Variants in TAFA4 observed in about 807,000 individuals in gnomAD.
The protein encoded by TAFA4 is TAFA chemokine like family member 4, also known as chemokine-like protein TAFA-4.
A neutral mutation model predicts 21.1 loss-of-function variants in TAFA4; 20 were observed. The ratio of observed to expected loss-of-function variants is 0.95; its 90% CI spans 0.67 to 1.38. The LOEUF is 1.38. TAFA4 is among the 40% of genes most tolerant of loss of function. TAFA4 has a pLI of 0.00. For synonymous variants in TAFA4, 71 were observed against 67.4 expected, an observed-to-expected ratio of 1.05 and a Z score of -0.26; for missense variants, 211 against 180.9, an observed-to-expected ratio of 1.17 and a Z score of -0.95.
chr3:68,854,252 C>T (rs1049568683), intron 3 of TAFA4, among the ~76,000 whole-genome samples: 1 of 151,920 alleles, frequency 6.6e-6, no homozygotes, highest in Non-Finnish European at 1.5e-5. Flanking sequence ...TGTTCTCTGA[C>T]AGCAGGAAGG....
At chr3:68,820,510 A>G (rs1434584872) in intron 3 of TAFA4, among the ~76,000 whole-genome samples, 1 of 151,898 alleles carries the variant, frequency 6.6e-6, no homozygotes, top group African/African-American at 2.4e-5. Flanking sequence ...ACCTCATCCT[A>G]CCAAAAAAAA....
intron 1 of TAFA4, among the ~76,000 whole-genome samples, chr3:68,917,753 C>CAAAAAAAAAAAA (rs55853026): frequency 4.3e-4 from 25 of 58,168 alleles, no homozygotes; most frequent in African/African-American, 7.7e-4. Flanking sequence ...GACTCTGTCT[C>CAAAAAAAAAAAA]AAAAAAAAAA....
chr3:68,881,340 T>G (rs1184373572), intron 2 of TAFA4, among the ~76,000 whole-genome samples: 2 of 152,188 alleles, frequency 1.3e-5, no homozygotes, highest in African/African-American at 4.8e-5. Context: ...CAATCTCAAC[T>G]CCTCCTTTGG....
chr3:68,831,617 T>G (rs1012955447), intron 3 of TAFA4, among the ~76,000 whole-genome samples: 3 of 152,142 alleles, frequency 2.0e-5, no homozygotes, highest in African/African-American at 7.2e-5. Context: ...CCCTTAACAT[T>G]TTTTCCTTCA....
intron 5 of TAFA4, among the ~76,000 whole-genome samples, chr3:68,736,611 T>C (rs1020369718): frequency 1.5e-4 from 23 of 152,174 alleles, no homozygotes; most frequent in African/African-American, 5.3e-4. Context: ...ATTATTGTTA[T>C]ACAGTTTAGT....
chr3:68,894,697 A>G (rs2089768184), intron 1 of TAFA4, among the ~76,000 whole-genome samples: 1 of 152,212 alleles, frequency 6.6e-6, no homozygotes, highest in Non-Finnish European at 1.5e-5. Context: ...GTGTTTTAGC[A>G]TAATGAAAAA....
At chr3:68,823,171 C>T (rs1371554694) in intron 3 of TAFA4, among the ~76,000 whole-genome samples, 4 of 151,932 alleles carry the variant, frequency 2.6e-5, no homozygotes, top group East Asian at 1.9e-4. Flanking sequence ...TTGAAGGGGT[C>T]GACAGAATTT....
chr3:68,821,112 C>A, intron 3 of TAFA4, among the ~76,000 whole-genome samples: 1 of 152,124 alleles, frequency 6.6e-6, no homozygotes, highest in East Asian at 1.9e-4. Flanking sequence ...AAATCTTTTA[C>A]AAATTCTATA....
At chr3:68,809,061 G>C (rs1288570402) in intron 3 of TAFA4, among the ~76,000 whole-genome samples, 1 of 152,172 alleles carries the variant, frequency 6.6e-6, no homozygotes, top group Non-Finnish European at 1.5e-5. Context: ...GCAGAGAAGG[G>C]AGGAGCAACA....
intron 3 of TAFA4, among the ~76,000 whole-genome samples, chr3:68,850,610 T>G (rs1398501323): frequency 6.6e-6 from 1 of 152,364 alleles, no homozygotes; most frequent in East Asian, 1.9e-4. Context: ...ATTATCTCAC[T>G]GCAGTTTTTG....
chr3:68,836,806 T>TA (rs760217929), intron 3 of TAFA4, among the ~76,000 whole-genome samples: 148 of 151,040 alleles, frequency 9.8e-4, no homozygotes, highest in Non-Finnish European at 1.3e-3. Context: ...AAGTCCTGAC[T>TA]ATGCTACCAG....
chr3:68,804,865 G>C, intron 3 of TAFA4, among the ~76,000 whole-genome samples: 1 of 152,158 alleles, frequency 6.6e-6, no homozygotes, highest in African/African-American at 2.4e-5. Flanking sequence ...AGAAAACCTA[G>C]GCAATACCAT....
intron 4 of TAFA4, among the ~76,000 whole-genome samples, chr3:68,742,824 G>C (rs973667239): frequency 1.5e-4 from 23 of 152,214 alleles, no homozygotes; most frequent in African/African-American, 5.5e-4. Flanking sequence ...TCTGAAAACA[G>C]TCAAACAAGC....
At chr3:68,891,735 G>C (rs186124421) in intron 1 of TAFA4, among the ~76,000 whole-genome samples, 5 of 152,240 alleles carry the variant, frequency 3.3e-5, no homozygotes, top group East Asian at 3.9e-4. Flanking sequence ...GGTAGGGATG[G>C]GGGGAGACTA....
chr3:68,919,849 C>A (rs2090041139), intron 1 of TAFA4, among the ~76,000 whole-genome samples: 1 of 152,308 alleles, frequency 6.6e-6, no homozygotes, highest in East Asian at 1.9e-4. Context: ...AGACTTTCTG[C>A]AGTCCCCACG....
chr3:68,868,733 A>G (rs2089447981), intron 3 of TAFA4, among the ~76,000 whole-genome samples: 1 of 151,988 alleles, frequency 6.6e-6, no homozygotes, highest in East Asian at 1.9e-4. Context: ...TCTATGGGAT[A>G]CAGAAAAAGC....
intron 5 of TAFA4, among the ~76,000 whole-genome samples, chr3:68,735,184 AT>A (rs1702216127): frequency 1.1e-5 from 1 of 92,858 alleles, no homozygotes; most frequent in Admixed American, 1.0e-4. Context: ...GACAAGTGGA[AT>A]TTTAGAAGGG....
At chr3:68,735,489 C>T (rs1575588496) in intron 5 of TAFA4, among the ~76,000 whole-genome samples, 2 of 152,028 alleles carry the variant, frequency 1.3e-5, no homozygotes, top group Admixed American at 1.3e-4. Context: ...TTTTTAAAAG[C>T]GTGGTTTTCT....
At chr3:68,739,833 A>G (rs545513658) in intron 4 of TAFA4, among the ~76,000 whole-genome samples, 1 of 152,322 alleles carries the variant, frequency 6.6e-6, no homozygotes, top group East Asian at 1.9e-4. Context: ...GTGTACACAG[A>G]GACATAGAGT....
Sources: gnomAD v4.1 joint callset for allele counts (sites outside exome capture counted in the v4.1 genomes callset) on GRCh38, gnomAD v4.1.1 for gene constraint, MANE v1.5 for transcripts, NCBI Gene and HGNC (gene_info 2026-07-23, HGNC 2026-07-21) for gene names.